IFT88: variants seen among roughly 807,000 people sequenced by gnomAD.
IFT88 encodes intraflagellar transport 88.
A neutral mutation model predicts 119.5 loss-of-function variants in IFT88; 74 were observed. The observed-to-expected ratio is 0.62, with a 90% confidence interval of 0.51 to 0.75. The LOEUF (loss-of-function observed/expected upper bound fraction) is 0.75, where lower values mean the gene tolerates loss of function less well. Among genes scored for constraint, IFT88 ranks in the 30% least tolerant of loss-of-function variants. The probability of loss-of-function intolerance (pLI) is 0.00; values close to 1 mark genes in which losing one functional copy is unlikely to be tolerated. For synonymous variants in IFT88, 279 were observed against 316.7 expected (o/e 0.88, Z 1.26); for missense variants, 961 against 977.7 (o/e 0.98, Z 0.23).
chr13:20,600,810 A>G (rs1242775354), intron 11 of IFT88, among the ~76,000 whole-genome samples: 1 of 152,256 alleles, frequency 6.6e-6, no homozygotes, highest in African/African-American at 2.4e-5. Context: ...AGGCTTTTAC[A>G]CAAACATTCA....
chr13:20,586,187 T>C (rs1297950796), intron 3 of IFT88, among the ~76,000 whole-genome samples: 1 of 152,244 alleles, frequency 6.6e-6, no homozygotes, highest in Admixed American at 6.5e-5. Flanking sequence ...GTAACTGGGA[T>C]AGTGTGTGGG....
chr13:20,592,445 A>G (rs905431126), intron 7 of IFT88, 41 bp downstream of exon 7: 24 of 1,447,618 alleles, frequency 1.7e-5, no homozygotes, highest in East Asian at 2.3e-5. Context: ...TTGTTGCTGC[A>G]TATTTTAAAT....
At chr13:20,671,140 G>A in intron 24 of IFT88, 101 bp downstream of exon 24, 1 of 915,524 alleles carries the variant, frequency 1.1e-6, no homozygotes, top group Admixed American at 2.3e-5. Flanking sequence ...TTATGTGTCT[G>A]TCGGTTTGTT....
chr13:20,573,820 A>G (rs1428568098), intron 1 of IFT88, among the ~76,000 whole-genome samples: 1 of 152,130 alleles, frequency 6.6e-6, no homozygotes, highest in Non-Finnish European at 1.5e-5. Context: ...CTAAGCTTCC[A>G]TGAAAATCAG....
At position 20,638,495 on chromosome 13, in the gene IFT88, G is replaced by T; in HGVS notation, c.1550G>T (p.Cys517Phe). Residue 517 changes from cysteine (C) to phenylalanine (F), a missense_variant, in exon 17 of 26, where the codon TGT becomes TTT. Physicochemically the swap from Cys to Phe is radical, Grantham distance 205. Coordinates refer to ENST00000351808, the MANE Select transcript of IFT88 (RefSeq NM_006531.5). ...YKEALRNDSSCTEALYNIGLT... is the reference protein window; with the variant it reads ...YKEALRNDSSFTEALYNIGLT... ...GAGGCTCTAAGAAATGATTCTTCTT[G>T]TACTGAAGCACTTTATAATATTGGT... The T allele has an allele frequency of 6.7e-7, 1 of 1,491,296 alleles. No individual in the cohort carries two copies. The highest frequency in any genetic ancestry group is 1.4e-5 in the African/African-American group (1 of 69,138). 92.4% of individuals were successfully genotyped at this position (1,491,296 alleles called of 1,614,324 possible).
At chr13:20,607,799 G>A in intron 13 of IFT88, 1 of 741,986 alleles carries the variant, frequency 1.3e-6, no homozygotes, top group Non-Finnish European at 2.5e-6. Context: ...AGCTCTCTGA[G>A]CTATTCAGTT....
chr13:20,600,559 TGAG>T (rs946816273), intron 11 of IFT88, among the ~76,000 whole-genome samples: 44 of 152,238 alleles, frequency 2.9e-4, no homozygotes, highest in African/African-American at 8.9e-4. Context: ...GGGATTATAT[TGAG>T]GAGTGTTTAG....
intron 24 of IFT88, among the ~76,000 whole-genome samples, chr13:20,679,706 T>G (rs1439312547): frequency 6.6e-6 from 1 of 152,244 alleles, no homozygotes; most frequent in Non-Finnish European, 1.5e-5. Context: ...TGAACTGTTG[T>G]GAGCCAATTC....
intron 14 of IFT88, 151 bp from the exon 15 acceptor site, chr13:20,625,599 T>G: frequency 3.9e-6 from 2 of 515,634 alleles, no homozygotes. Context: ...CTTCAGTAAC[T>G]GAAAACCTGT....
chr13:20,586,997 T>C (rs1003773656), intron 3 of IFT88, among the ~76,000 whole-genome samples: 1 of 152,220 alleles, frequency 6.6e-6, no homozygotes, highest in Non-Finnish European at 1.5e-5. Flanking sequence ...ACCTGTGGGT[T>C]ATTTAGAAGT....
chr13:20,568,049 C>T (rs187137033), intron 1 of IFT88: 186 of 710,964 alleles, frequency 2.6e-4, no homozygotes, highest in Non-Finnish European at 3.7e-4. Context: ...ATAATGCTTC[C>T]AGAAAGTTTA....
intron 1 of IFT88, among the ~76,000 whole-genome samples, chr13:20,573,053 A>G (rs1319253449): frequency 6.6e-6 from 1 of 152,164 alleles, no homozygotes; most frequent in Non-Finnish European, 1.5e-5. Flanking sequence ...AAGAAAAGAA[A>G]GGTTTAATTT....
chr13:20,617,994 TG>T (rs1420765587), intron 14 of IFT88, among the ~76,000 whole-genome samples: 1 of 152,088 alleles, frequency 6.6e-6, no homozygotes, highest in Non-Finnish European at 1.5e-5. Context: ...CCGTGTTGGC[TG>T]GGCTGGTCTC....
chr13:20,607,576 T>C, intron 13 of IFT88: 1 of 738,348 alleles, frequency 1.4e-6, no homozygotes, highest in East Asian at 2.5e-5. Flanking sequence ...TTGAGAGATT[T>C]GCGGATCCAC....
intron 16 of IFT88, among the ~76,000 whole-genome samples, chr13:20,633,138 G>A (rs1320381183): frequency 6.6e-6 from 1 of 152,138 alleles, no homozygotes; most frequent in Non-Finnish European, 1.5e-5. Context: ...AATGATGGAA[G>A]CAAGTAGACA....
At chr13:20,630,039 C>T (rs1324473087) in intron 15 of IFT88, among the ~76,000 whole-genome samples, 6 of 152,134 alleles carry the variant, frequency 3.9e-5, no homozygotes, top group Non-Finnish European at 8.8e-5. Context: ...TTTCATTTCT[C>T]ATGATTTAAA....
Position 20,620,768 on chromosome 13 carries a change from G to A in IFT88, c.1199+4889G>A, listed in dbSNP as rs377219816. Among the ~76,000 whole-genome samples the A allele has an allele frequency of 1.8e-4, 28 of 152,260 alleles. No homozygotes were observed. In the East Asian group the frequency reaches 3.9e-3, roughly 21 times the overall value. ...TTTAGTAGAGATGGGGTTTCACCAT[G>A]TTAGCCTGGCTCGGCCTCCCAAAGT... On this transcript the variant is annotated intron_variant, in intron 14 of 25. Coordinates refer to ENST00000351808, the MANE Select transcript of IFT88 (RefSeq NM_006531.5).
At chr13:20,667,186 C>T (rs1479553756) in intron 23 of IFT88, among the ~76,000 whole-genome samples, 1 of 152,172 alleles carries the variant, frequency 6.6e-6, no homozygotes, top group Non-Finnish European at 1.5e-5. Flanking sequence ...CTCACATCCA[C>T]TCCAAAGTGA....
intron 1 of IFT88, 44 bp from the exon 2 acceptor site, chr13:20,574,336 A>G: frequency 9.2e-7 from 1 of 1,083,238 alleles, no homozygotes; most frequent in Non-Finnish European, 1.4e-6. Context: ...ATATATATAT[A>G]TTTCTTATAC....
Sources: allele counts gnomAD v4.1 joint callset (sites outside exome capture counted in the v4.1 genomes callset), GRCh38; gene constraint gnomAD v4.1.1; transcripts MANE v1.5; gene names NCBI Gene and HGNC (gene_info 2026-07-23, HGNC 2026-07-21).